SLC9A9: variants seen among roughly 807,000 people sequenced by gnomAD.
SLC9A9 encodes the protein solute carrier family 9 member A9, also known as sodium/hydrogen exchanger 9.
A neutral mutation model predicts 77.8 loss-of-function variants in SLC9A9; 62 were observed. The observed-to-expected ratio is 0.80, with a 90% CI of 0.65 to 0.98. The LOEUF (loss-of-function observed/expected upper bound fraction) is 0.98, where lower values mean the gene tolerates loss of function less well. SLC9A9 is among the 50% of genes least tolerant of loss of function. The probability of loss-of-function intolerance (pLI) is 0.00; values close to 1 mark genes in which losing one functional copy is unlikely to be tolerated. For missense variants in SLC9A9, 775 were observed against 774.9 expected (o/e 1.00, Z 0.00); for synonymous variants, 320 against 283.5 (o/e 1.13, Z -1.29).
intron 4 of SLC9A9, among the ~76,000 whole-genome samples, chr3:143,763,364 C>T (rs533328311): frequency 6.6e-6 from 1 of 152,072 alleles, no homozygotes; most frequent in South Asian, 2.1e-4. Flanking sequence ...ATTTACTAGA[C>T]TAGGAACAAA....
intron 12 of SLC9A9, among the ~76,000 whole-genome samples, chr3:143,394,813 C>T (rs946638600): frequency 2.6e-5 from 4 of 152,114 alleles, no homozygotes; most frequent in Non-Finnish European, 5.9e-5. Context: ...CAATAACAGA[C>T]AGAGAGCTAA....
rs201689531 is a variant in SLC9A9, at chr3:143,799,044, C to T, written c.379-2141G>A. On this transcript the variant is annotated intron_variant, in intron 2 of 15. Transcript: ENST00000316549. ...TGGTCTGGCTTACGGTTCTGTTCCACGACTAGTCCTCCCCCACCTGCCCAG... is the reference window on the plus strand; with the variant it reads ...TGGTCTGGCTTACGGTTCTGTTCCATGACTAGTCCTCCCCCACCTGCCCAG... Among the ~76,000 whole-genome samples the T allele has an allele frequency of 1.5e-4, 23 of 152,294 alleles. No individual in the cohort carries two copies. In the East Asian group the frequency reaches 1.7e-3, roughly 12 times the overall value.
At chr3:143,846,026 T>C (rs929556854) in intron 1 of SLC9A9, among the ~76,000 whole-genome samples, 1 of 152,216 alleles carries the variant, frequency 6.6e-6, no homozygotes, top group Non-Finnish European at 1.5e-5. Flanking sequence ...GTCAATGAAC[T>C]ACTATTTTAT....
At chr3:143,419,598 G>T (rs1425435460) in intron 12 of SLC9A9, among the ~76,000 whole-genome samples, 2 of 152,042 alleles carry the variant, frequency 1.3e-5, no homozygotes, top group African/African-American at 4.8e-5. Context: ...CATCCATCCA[G>T]CCAGCTAGCC....
intron 14 of SLC9A9, among the ~76,000 whole-genome samples, chr3:143,321,561 T>C (rs1233151003): frequency 6.6e-6 from 1 of 152,224 alleles, no homozygotes; most frequent in Non-Finnish European, 1.5e-5. Flanking sequence ...TGTGTTCTAC[T>C]TTGTGTGGTC....
chr3:143,365,290 G>A (rs925421270), intron 13 of SLC9A9, among the ~76,000 whole-genome samples: 2 of 152,052 alleles, frequency 1.3e-5, no homozygotes, highest in Non-Finnish European at 2.9e-5. Context: ...GTGGAAGGAG[G>A]GAGAGGCCAG....
intron 14 of SLC9A9, among the ~76,000 whole-genome samples, chr3:143,311,020 G>T (rs1408982288): frequency 1.3e-5 from 2 of 152,200 alleles, no homozygotes; most frequent in African/African-American, 4.8e-5. Context: ...CAAAAGGGAA[G>T]AACTCTGTAA....
intron 9 of SLC9A9, among the ~76,000 whole-genome samples, chr3:143,496,929 T>C (rs1175472350): frequency 6.6e-6 from 1 of 152,176 alleles, no homozygotes; most frequent in Non-Finnish European, 1.5e-5. Flanking sequence ...GTCCTCTTCC[T>C]GGTTTGCCAA....
At chr3:143,570,094 T>A (rs1281851727) in intron 8 of SLC9A9, among the ~76,000 whole-genome samples, 1 of 152,012 alleles carries the variant, frequency 6.6e-6, no homozygotes, top group South Asian at 2.1e-4. Flanking sequence ...AAATGCATCA[T>A]TGGTCCTAGC....
chr3:143,573,137 C>T (rs1414485240), intron 8 of SLC9A9, among the ~76,000 whole-genome samples: 1 of 152,166 alleles, frequency 6.6e-6, no homozygotes, highest in Non-Finnish European at 1.5e-5. Context: ...AGCTGGCCAG[C>T]ATCTGGCTCA....
chr3:143,649,564 C>T (rs191217043), intron 6 of SLC9A9, among the ~76,000 whole-genome samples: 144 of 152,224 alleles, frequency 9.5e-4, no homozygotes, highest in African/African-American at 3.3e-3. Context: ...TAATAATAGG[C>T]TTCTTATATT....
chr3:143,835,389 A>G (rs2009543355), intron 1 of SLC9A9, among the ~76,000 whole-genome samples: 1 of 152,194 alleles, frequency 6.6e-6, no homozygotes, highest in South Asian at 2.1e-4. Flanking sequence ...CTCCTAACAC[A>G]TCTGGTTAAA....
chr3:143,467,089 C>T lies in SLC9A9; in HGVS notation c.1417G>A (p.Val473Ile). ...TTTLLLVFFT[V>I]WVFGGGTTPM... ...GTTGTTCCTCCTCCAAATACCCAGACAGTGAAGAACACGAGGAGCAGCGTA... is the reference window on the plus strand; with the variant it reads ...GTTGTTCCTCCTCCAAATACCCAGATAGTGAAGAACACGAGGAGCAGCGTA... Residue 473 changes from valine to isoleucine, a missense_variant, in exon 12 of 16, where the codon GTC becomes ATC. By Grantham distance (29) the Val-to-Ile change is conservative. Transcript: ENST00000316549. 1.2e-6 allele frequency: 2 copies of T among 1,614,088 alleles called. No homozygotes were observed. Among genetic ancestry groups the T allele is most frequent in the African/African-American group, 1.3e-5 (1 of 75,054 alleles).
chr3:143,652,037 C>A (rs921690101), intron 6 of SLC9A9, among the ~76,000 whole-genome samples: 2 of 152,080 alleles, frequency 1.3e-5, no homozygotes, highest in Admixed American at 1.3e-4. Flanking sequence ...AAGTTACCCT[C>A]TAGGTAGTAT....
intron 11 of SLC9A9, among the ~76,000 whole-genome samples, chr3:143,470,120 TTATA>T (rs1170725041): frequency 5.9e-5 from 9 of 152,198 alleles, no homozygotes; most frequent in Non-Finnish European, 1.0e-4. Flanking sequence ...AGGAGAGAAT[TTATA>T]GGTCATGGTA....
At chr3:143,315,064 G>T (rs1269982194) in intron 14 of SLC9A9, among the ~76,000 whole-genome samples, 1 of 152,166 alleles carries the variant, frequency 6.6e-6, no homozygotes, top group Non-Finnish European at 1.5e-5. Flanking sequence ...TAACCCTAAG[G>T]TGTGATACTC....
At chr3:143,586,612 C>T (rs1401096060) in intron 6 of SLC9A9, among the ~76,000 whole-genome samples, 1 of 152,168 alleles carries the variant, frequency 6.6e-6, no homozygotes, top group Non-Finnish European at 1.5e-5. Flanking sequence ...CTGTACCAAC[C>T]TGCCCTTTCT....
intron 8 of SLC9A9, among the ~76,000 whole-genome samples, chr3:143,573,510 C>T (rs1023898342): frequency 3.3e-5 from 5 of 152,084 alleles, no homozygotes; most frequent in African/African-American, 4.8e-5. Context: ...TTGGGTCTAA[C>T]GAACTGCCCC....
chr3:143,621,667 AAAC>A (rs1272216235), intron 6 of SLC9A9, among the ~76,000 whole-genome samples: 1 of 152,254 alleles, frequency 6.6e-6, no homozygotes, highest in Non-Finnish European at 1.5e-5. Flanking sequence ...GATGGGGAAA[AAAC>A]AGAGCAGAAA....
Sources: gnomAD v4.1 joint callset for allele counts (sites outside exome capture counted in the v4.1 genomes callset) on GRCh38, gnomAD v4.1.1 for gene constraint, MANE v1.5 for transcripts, NCBI Gene and HGNC (gene_info 2026-07-23, HGNC 2026-07-21) for gene names.